Variants in CTTNBP2 observed in about 807,000 individuals in gnomAD.
CTTNBP2 encodes the protein cortactin binding protein 2, also known as cortactin-binding protein 2.
CTTNBP2 carries 108 observed loss-of-function variants against 156.9 expected under a neutral mutation model. That is an observed-to-expected ratio of 0.69 (90% CI 0.59 to 0.81). The LOEUF (loss-of-function observed/expected upper bound fraction) is 0.81. Among genes scored for constraint, CTTNBP2 ranks in the 30% least tolerant of loss-of-function variants. The pLI, the probability that CTTNBP2 is intolerant of heterozygous loss-of-function variation, is 0.00. For synonymous variants in CTTNBP2, 767 were observed against 751.8 expected, an observed-to-expected ratio of 1.02 and a Z score of -0.33; for missense variants, 1,924 against 2,035.4, an observed-to-expected ratio of 0.95 and a Z score of 1.05.
intron 2 of CTTNBP2, among the ~76,000 whole-genome samples, chr7:117,852,060 T>C (rs972612902): frequency 1.3e-5 from 2 of 152,132 alleles, no homozygotes; most frequent in African/African-American, 4.8e-5. Flanking sequence ...CAATGACACA[T>C]CCGCATTTTA....
Position 117,742,858 on chromosome 7 carries a change from A to T in CTTNBP2, c.3535+2973T>A, listed in dbSNP as rs192871456. 4.0e-3 allele frequency among the ~76,000 whole-genome samples: 605 copies of T among 152,306 alleles called. 3 individuals carry two copies. Among genetic ancestry groups the T allele is most frequent in the Non-Finnish European group, 6.4e-3 (434 of 68,022 alleles). On this transcript the variant is annotated intron_variant, in intron 14 of 22. Transcript: ENST00000160373. ...CTGGCTTCTTCCTGAAAGTCACAAG[A>T]CCTGACGACACTGGACCTACAATTC... is the stretch of plus-strand genomic sequence containing the variant.
At chr7:117,721,363 C>A (rs527489771) in intron 19 of CTTNBP2, among the ~76,000 whole-genome samples, 1 of 152,206 alleles carries the variant, frequency 6.6e-6, no homozygotes, top group Non-Finnish European at 1.5e-5. Context: ...TGATGGAACT[C>A]GGTACAACTA....
chr7:117,802,062 C>T (rs1361656880), intron 3 of CTTNBP2, among the ~76,000 whole-genome samples: 1 of 117,600 alleles, frequency 8.5e-6, no homozygotes, highest in African/African-American at 3.2e-5. Context: ...CCCCCCTCCC[C>T]CCACCCCACC....
At chr7:117,829,840 C>T (rs1402520127) in intron 2 of CTTNBP2, among the ~76,000 whole-genome samples, 2 of 152,234 alleles carry the variant, frequency 1.3e-5, no homozygotes, top group Admixed American at 6.5e-5. Flanking sequence ...TGTCTCAGTA[C>T]AGCCACACAA....
intron 2 of CTTNBP2, among the ~76,000 whole-genome samples, chr7:117,858,786 T>A (rs1803505943): frequency 6.6e-6 from 1 of 152,186 alleles, no homozygotes; most frequent in African/African-American, 2.4e-5. Flanking sequence ...CAAGTCAATA[T>A]AATTTTTAAC....
rs1313075220 is a variant in CTTNBP2, at chr7:117,711,158, A to AGCAT, written c.*375_*378dup. Reference sequence around the variant, plus strand: ...TTGTACTTTTTTGCTACTTTTTTGTAGCATGTATGCAGTATGATTTCTGGA... The same window carrying AGCAT: ...TTGTACTTTTTTGCTACTTTTTTGTAGCATGCATGTATGCAGTATGATTTCTGGA... On this transcript the variant is annotated 3_prime_UTR_variant, in exon 23 of 23. Transcript: ENST00000160373. 2 of 155,084 alleles carry AGCAT rather than the reference A, an allele frequency of 1.3e-5. No homozygotes were observed. Among genetic ancestry groups the AGCAT allele is most frequent in the Admixed American group, 1.3e-4 (2 of 15,486 alleles). The allele number at this position is 155,084 out of a possible 1,614,324, so 9.6% of individuals were successfully genotyped here.
chr7:117,769,052 G>A (rs1797670476), intron 8 of CTTNBP2, among the ~76,000 whole-genome samples: 1 of 152,164 alleles, frequency 6.6e-6, no homozygotes, highest in Non-Finnish European at 1.5e-5. Flanking sequence ...TCAGTATATA[G>A]CAGAGCTGGA....
At chr7:117,725,390 G>A (rs144648790) in intron 17 of CTTNBP2, 133 bp from the exon 18 acceptor site, 2 of 785,520 alleles carry the variant, frequency 2.5e-6, no homozygotes, top group East Asian at 5.0e-5. Context: ...ACCTTTCCCA[G>A]GTAGTTTTCA....
intron 1 of CTTNBP2, among the ~76,000 whole-genome samples, chr7:117,865,491 T>A: frequency 6.7e-6 from 1 of 148,156 alleles, no homozygotes; most frequent in African/African-American, 2.5e-5. Context: ...TGAAACCCCG[T>A]CTCTACTAAA....
At chr7:117,757,799 A>T (rs1232642869) in intron 11 of CTTNBP2, 76 bp downstream of exon 11, 2 of 909,554 alleles carry the variant, frequency 2.2e-6, no homozygotes, top group Non-Finnish European at 3.3e-6. Flanking sequence ...AAACGTGAAG[A>T]TTTAAGAACT....
chr7:117,872,492 G>T (rs1331710041), intron 1 of CTTNBP2, among the ~76,000 whole-genome samples: 2 of 152,120 alleles, frequency 1.3e-5, no homozygotes, highest in Non-Finnish European at 2.9e-5. Flanking sequence ...GGAAATGTGG[G>T]TCCAGCCCTT....
chr7:117,719,443 CCCCAAAAGTCT>C, intron 21 of CTTNBP2, 50 bp downstream of exon 21: 1 of 1,468,976 alleles, frequency 6.8e-7, no homozygotes, highest in South Asian at 1.4e-5. Flanking sequence ...AATTGTGGTC[CCCCAAAAGTCT>C]CCCAGCTGTT....
chr7:117,770,281 C>A (rs1797732343), intron 8 of CTTNBP2, among the ~76,000 whole-genome samples: 1 of 152,150 alleles, frequency 6.6e-6, no homozygotes. Context: ...TAGGTTATTT[C>A]TAATTTTTAT....
chr7:117,797,523 G>A (rs750088538), intron 3 of CTTNBP2, among the ~76,000 whole-genome samples: 3 of 152,076 alleles, frequency 2.0e-5, no homozygotes, highest in Non-Finnish European at 2.9e-5. Context: ...TAGTGACAAG[G>A]ATTTTAAAGC....
At chr7:117,829,239 A>G (rs1342218026) in intron 2 of CTTNBP2, among the ~76,000 whole-genome samples, 1 of 152,164 alleles carries the variant, frequency 6.6e-6, no homozygotes, top group African/African-American at 2.4e-5. Flanking sequence ...CACTCCCTCT[A>G]TTCTGGAGCA....
intron 2 of CTTNBP2, among the ~76,000 whole-genome samples, chr7:117,828,428 G>T (rs1801421380): frequency 6.6e-6 from 1 of 152,198 alleles, no homozygotes; most frequent in Admixed American, 6.5e-5. Flanking sequence ...CTAGGCAAAA[G>T]GTGAAGGGAA....
chr7:117,814,301 TG>T (rs1800453234), intron 2 of CTTNBP2, among the ~76,000 whole-genome samples: 3 of 152,068 alleles, frequency 2.0e-5, no homozygotes, highest in Non-Finnish European at 2.9e-5. Context: ...ATTTTTGTTG[TG>T]TTTTTTTATT....
intron 19 of CTTNBP2, among the ~76,000 whole-genome samples, chr7:117,722,098 C>T (rs1794823168): frequency 6.6e-6 from 1 of 152,204 alleles, no homozygotes; most frequent in Admixed American, 6.5e-5. Flanking sequence ...GTGGCTTCTA[C>T]TAATTACTAC....
At chr7:117,848,755 C>T (rs571974492) in intron 2 of CTTNBP2, among the ~76,000 whole-genome samples, 5 of 152,268 alleles carry the variant, frequency 3.3e-5, no homozygotes, top group African/African-American at 1.2e-4. Flanking sequence ...AAGAAAAGGT[C>T]TTATTATTAA....
Sources: allele counts gnomAD v4.1 joint callset (sites outside exome capture counted in the v4.1 genomes callset), GRCh38; gene constraint gnomAD v4.1.1; transcripts MANE v1.5; gene names NCBI Gene and HGNC (gene_info 2026-07-23, HGNC 2026-07-21).